LRRK1: variants seen among roughly 807,000 people sequenced by gnomAD.
The protein encoded by LRRK1 is leucine-rich repeat serine/threonine-protein kinase 1.
Under a neutral mutation model 209.1 loss-of-function variants are expected in LRRK1, and 113 were observed. That is an observed-to-expected ratio of 0.54 (90% confidence interval 0.46 to 0.63). LRRK1 has a LOEUF of 0.63. LRRK1 is among the 30% of genes least tolerant of loss of function. The pLI is 0.00. For synonymous variants in LRRK1, 1,144 were observed against 1,099.7 expected (o/e 1.04, Z -0.80); for missense variants, 2,284 against 2,632.2 (o/e 0.87, Z 2.89).
At position 101,068,771 on chromosome 15, in the gene LRRK1, G is replaced by T; in HGVS notation, c.5971G>T (p.Ala1991Ser). The T allele has an allele frequency of 6.2e-7, 1 of 1,613,702 alleles. No individual in the cohort carries two copies. The highest frequency in any genetic ancestry group is 8.5e-7 in the Non-Finnish European group (1 of 1,179,828). ...WCLAVWRGWG[A>S]REFDIFYQSY... ...CCTGGCCGTCTGGAGGGGCTGGGGCGCCAGGGAGTTCGACATTTTCTACCA... is the reference window on the plus strand; with the variant it reads ...CCTGGCCGTCTGGAGGGGCTGGGGCTCCAGGGAGTTCGACATTTTCTACCA... The change falls in exon 34 of 34, where the codon GCC becomes TCC. Residue 1991 changes from alanine to serine, a missense_variant. Around this residue, in one of 6 missense-constraint regions of LRRK1, gnomAD observed 643 missense variants for 695.9 expected, o/e 0.92. Coordinates refer to ENST00000388948, the MANE Select transcript of LRRK1 (RefSeq NM_024652.6).
At chr15:101,041,411 G>A (rs891183512) in intron 20 of LRRK1, among the ~76,000 whole-genome samples, 2 of 151,988 alleles carry the variant, frequency 1.3e-5, no homozygotes, top group African/African-American at 4.8e-5. Flanking sequence ...TATTTATTTT[G>A]TATTTATACC....
At chr15:100,926,690 T>C (rs1345115610) in intron 2 of LRRK1, among the ~76,000 whole-genome samples, 1 of 137,192 alleles carries the variant, frequency 7.3e-6, no homozygotes, top group South Asian at 2.5e-4. Context: ...CTTTTTTTTT[T>C]TTTTTTTTTT....
chr15:100,955,275 G>A (rs1471874527), intron 2 of LRRK1, among the ~76,000 whole-genome samples: 1 of 152,072 alleles, frequency 6.6e-6, no homozygotes, highest in Non-Finnish European at 1.5e-5. Context: ...AAAAGGGATT[G>A]TTTTCTTAAT....
In LRRK1 at chr15:100,956,455, C is replaced by CTTTTTCTTTTCTTTTCTTTTTTTT; in HGVS notation, c.98-17344_98-17343insCTTTTCTTTTCTTTTTTTTTTTTT. Among the ~76,000 whole-genome samples the CTTTTTCTTTTCTTTTCTTTTTTTT allele has an allele frequency of 1.8e-4, 11 of 60,528 alleles. 1 individual carries two copies. Among genetic ancestry groups the CTTTTTCTTTTCTTTTCTTTTTTTT allele is most frequent in the East Asian group, 9.3e-4 (2 of 2,142 alleles). 39.7% of individuals were successfully genotyped at this position (60,528 alleles called of 152,430 possible). A position where few individuals can be genotyped will look rare whatever the true frequency, so the allele number is the denominator to read the frequency against. On this transcript the variant is annotated intron_variant, in intron 2 of 33. Coordinates refer to ENST00000388948, the MANE Select transcript of LRRK1 (RefSeq NM_024652.6). Reference sequence around the variant, plus strand: ...TTCGCTTTTCTTTCCTTTTTTTTTTCTTTTTTTTTTTTTTTTTTGAGACAG... The same window carrying CTTTTTCTTTTCTTTTCTTTTTTTT: ...TTCGCTTTTCTTTCCTTTTTTTTTTCTTTTTCTTTTCTTTTCTTTTTTTTTTTTTTTTTTTTTTTTTTGAGACAG...
chr15:100,972,049 G>T (rs1204806575), intron 2 of LRRK1, among the ~76,000 whole-genome samples: 1 of 151,730 alleles, frequency 6.6e-6, no homozygotes, highest in Non-Finnish European at 1.5e-5. Context: ...TGCTACCTCA[G>T]GCTCCTGGGT....
chr15:100,954,384 T>C (rs1387452918), intron 2 of LRRK1, among the ~76,000 whole-genome samples: 3 of 152,238 alleles, frequency 2.0e-5, no homozygotes, highest in Admixed American at 2.0e-4. Flanking sequence ...ATGGGTTCTT[T>C]ACACATTTTG....
intron 3 of LRRK1, among the ~76,000 whole-genome samples, chr15:100,980,682 T>C (rs955377261): frequency 8.6e-6 from 1 of 116,924 alleles, no homozygotes; most frequent in Non-Finnish European, 1.8e-5. Flanking sequence ...GAATCTCTGA[T>C]TATTTCAAAG....
At chr15:100,998,319 C>T (rs1329719600) in intron 6 of LRRK1, among the ~76,000 whole-genome samples, 1 of 152,180 alleles carries the variant, frequency 6.6e-6, no homozygotes, top group Non-Finnish European at 1.5e-5. Flanking sequence ...ACTCAGCACA[C>T]TGCTCCTCCT....
rs559354602 is a variant in LRRK1, at chr15:101,052,170, T to C, written c.3689+210T>C. Among the ~76,000 whole-genome samples, 155 of 152,340 alleles carry C rather than the reference T, an allele frequency of 1.0e-3. 2 individuals are homozygous for C. Among genetic ancestry groups the C allele is most frequent in the Admixed American group, 0.01 (155 of 15,304 alleles). The stretch of plus-strand genomic sequence containing the variant: ...CGGCTTTCCATTTTGGAGGCCTTGA[T>C]AGGCCCAACTGGGAAGAGTGCTTTG... On this transcript the variant is annotated intron_variant, in intron 24 of 33. Transcript: ENST00000388948.
chr15:100,973,842 G>T lies in LRRK1; in HGVS notation c.136G>T (p.Gly46Cys). ...DTGGKPSTRG[G>C]DPAARSRRTE... is the part of the protein sequence containing the mutation. ...GGGCGGCAAGCCGTCCACGCGGGGC[G>T]GTGACCCTGCAGCGCGGTCCCGCAG... is the stretch of plus-strand genomic sequence containing the variant. Residue 46 changes from glycine to cysteine, a missense_variant, in exon 3 of 34, where the codon GGT becomes TGT. This residue lies in a region of LRRK1 where 174 missense variants were observed against 133.5 expected (regional missense o/e 1.30). Transcript: ENST00000388948. The T allele has an allele frequency of 7.7e-7, 1 of 1,294,478 alleles. No homozygotes were observed. Among genetic ancestry groups the T allele is most frequent in the Non-Finnish European group, 9.8e-7 (1 of 1,017,382 alleles). The allele number at this position is 1,294,478 out of a possible 1,614,324, so 80.2% of individuals were successfully genotyped here. A position where few individuals can be genotyped will look rare whatever the true frequency, so the allele number is the denominator to read the frequency against.
At chr15:100,997,989 G>A (rs1029939848) in intron 6 of LRRK1, among the ~76,000 whole-genome samples, 8 of 152,014 alleles carry the variant, frequency 5.3e-5, no homozygotes, top group African/African-American at 1.9e-4. Context: ...GACCAGCCTG[G>A]CCAACATGGT....
chr15:101,021,148 C>T lies in LRRK1; in HGVS notation c.1705C>T (p.Leu569=). 6.2e-7 allele frequency: 1 copy of T among 1,614,106 alleles called. No individual in the cohort carries two copies. The highest frequency in any genetic ancestry group is 8.5e-7 in the Non-Finnish European group (1 of 1,179,998). Residue 569 remains leucine (L), a synonymous_variant, in exon 13 of 34, where the codon CTA becomes TTA. Coordinates refer to ENST00000388948, the MANE Select transcript of LRRK1 (RefSeq NM_024652.6). ...CGACACAGTCCCTCCCTCGGTTTGC[C>T]TACTGAAGAGCTTATCAGAGCTCTA... ...HLDTVPPSVC[L]LKSLSELYLG...
chr15:101,048,791 G>A (rs2035227452), intron 22 of LRRK1, 134 bp downstream of exon 22: 1 of 676,740 alleles, frequency 1.5e-6, no homozygotes, highest in East Asian at 3.2e-5. Context: ...ATGGCAGCTT[G>A]CTAGAAATGT....
At chr15:100,923,218 G>T (rs909883513) in intron 1 of LRRK1, among the ~76,000 whole-genome samples, 2 of 152,164 alleles carry the variant, frequency 1.3e-5, no homozygotes, top group Non-Finnish European at 2.9e-5. Context: ...CCCACTAGCA[G>T]GCCCGGGCAT....
rs1228726751 is a variant in LRRK1 at position 100,924,674 on chromosome 15, T to A, written c.42T>A (p.Cys14Ter). ...AAAGACCCCCCAGCATGTACTGGTG[T>A]GTGGGGCCGGAGGAGTCAGCTGTGT... ...MSQRPPSMYW[C>*]VGPEESAVCP... is the part of the protein sequence containing the mutation. Residue 14 changes from cysteine to a stop codon, truncating the protein, a stop_gained, in exon 2 of 34, where the codon TGT becomes TGA. Coordinates refer to ENST00000388948, the MANE Select transcript of LRRK1 (RefSeq NM_024652.6). LOFTEE classifies it high-confidence loss of function. 2 of 1,613,970 alleles carry A rather than the reference T, an allele frequency of 1.2e-6. No homozygotes were observed. Among genetic ancestry groups the A allele is most frequent in the African/African-American group, 2.7e-5 (2 of 74,886 alleles).
intron 7 of LRRK1, among the ~76,000 whole-genome samples, chr15:101,009,938 C>A (rs148270954): frequency 1.3e-5 from 2 of 152,154 alleles, no homozygotes; most frequent in African/African-American, 4.8e-5. Flanking sequence ...AGGGTTGAAT[C>A]GATTTTTAAA....
chr15:101,077,531 G>A lies in LRRK1; in HGVS notation c.*8683G>A, dbSNP rs1485184039. On this transcript the variant is annotated 3_prime_UTR_variant, in exon 34 of 34. Transcript: ENST00000388948. ...CTCAATTCTTAGACCTTTTATACCT[G>A]TTTTTCTCCTTTACTTATTCCGTTT... is the stretch of plus-strand genomic sequence containing the variant. 6.6e-6 allele frequency: 1 copy of A among 152,100 alleles called. No homozygotes were observed. Among genetic ancestry groups the A allele is most frequent in the East Asian group, 1.9e-4 (1 of 5,200 alleles). 9.4% of individuals were successfully genotyped at this position (152,100 alleles called of 1,614,324 possible).
At chr15:101,049,872 A>G (rs1447372348) in intron 23 of LRRK1, 89 bp downstream of exon 23, 2 of 1,413,556 alleles carry the variant, frequency 1.4e-6, no homozygotes, top group Non-Finnish European at 1.9e-6. Flanking sequence ...GTGGACAAAA[A>G]TCCCACTGGG....
intron 2 of LRRK1, among the ~76,000 whole-genome samples, chr15:100,970,854 T>C (rs1022506181): frequency 1.3e-5 from 2 of 152,164 alleles, no homozygotes; most frequent in African/African-American, 2.4e-5. Flanking sequence ...GTTCAATTTC[T>C]CTCAGCAATG....
Sources: gnomAD v4.1 joint callset for allele counts (sites outside exome capture counted in the v4.1 genomes callset) on GRCh38, gnomAD v4.1.1 for gene constraint, gnomAD v4.1.1 regional missense constraint, MANE v1.5 for transcripts, NCBI Gene and HGNC (gene_info 2026-07-23, HGNC 2026-07-21) for gene names.